The following METTL24 variants were observed in gnomAD, a reference collection of about 807,000 sequenced individuals.
METTL24 encodes the protein methyltransferase like 24, also known as probable methyltransferase-like protein 24.
Under a neutral mutation model 32.7 loss-of-function variants are expected in METTL24, and 29 were observed. The observed-to-expected ratio is 0.89, with a 90% CI of 0.66 to 1.21. The LOEUF (loss-of-function observed/expected upper bound fraction) is 1.21. METTL24 is among the 50% of genes most tolerant of loss of function. METTL24 has a pLI of 0.00. For synonymous variants in METTL24, 163 were observed against 179.5 expected (o/e 0.91, Z 0.73); for missense variants, 439 against 468.1 (o/e 0.94, Z 0.57).
At chr6:110,255,190 G>T (rs1039354228) in intron 4 of METTL24, among the ~76,000 whole-genome samples, 2 of 152,100 alleles carry the variant, frequency 1.3e-5, no homozygotes, top group Non-Finnish European at 2.9e-5. Context: ...GTAGTAATTA[G>T]CTCACAAAAA....
At chr6:110,299,219 G>A in intron 3 of METTL24, 69 bp from the exon 4 acceptor site, 1 of 1,418,244 alleles carries the variant, frequency 7.1e-7, no homozygotes, top group Admixed American at 1.7e-5. Context: ...CTAACAAGAT[G>A]ACAGTTCCAA....
intron 4 of METTL24, among the ~76,000 whole-genome samples, chr6:110,259,563 C>G (rs375914403): frequency 2.6e-5 from 4 of 152,244 alleles, no homozygotes; most frequent in African/African-American, 9.6e-5. Flanking sequence ...AAACAAAAGG[C>G]AGCAGAAACC....
chr6:110,308,344 T>C (rs1042555598), intron 3 of METTL24, among the ~76,000 whole-genome samples: 1 of 152,100 alleles, frequency 6.6e-6, no homozygotes, highest in Non-Finnish European at 1.5e-5. Flanking sequence ...TTAAAAATAT[T>C]CCCAAAAGTA....
intron 4 of METTL24, among the ~76,000 whole-genome samples, chr6:110,272,343 T>TA (rs1770972414): frequency 6.6e-6 from 1 of 152,262 alleles, no homozygotes; most frequent in Non-Finnish European, 1.5e-5. Flanking sequence ...GGTGTATACA[T>TA]ACCACCTTTT....
Position 110,358,186 on chromosome 6 carries a change from G to A in METTL24, c.87C>T (p.Leu29=), listed in dbSNP as rs1178256316. ...GCCCGGCGCGCCGCAGCTCTGCGCA[G>A]AGCCGCAGGCCGAACAACAGCACAG... ...LGAVLLFGLR[L]CAELRRAGPG... The change falls in exon 1 of 5, where the codon CTC becomes CTT. Residue 29 remains leucine (L), a synonymous_variant. Transcript: ENST00000338882. 2.1e-6 allele frequency: 3 copies of A among 1,426,990 alleles called. No homozygotes were observed. The highest frequency in any genetic ancestry group is 2.7e-6 in the Non-Finnish European group (3 of 1,095,780). 88.4% of individuals were successfully genotyped at this position (1,426,990 alleles called of 1,614,324 possible).
At chr6:110,258,503 T>C (rs1320558454) in intron 4 of METTL24, among the ~76,000 whole-genome samples, 1 of 152,156 alleles carries the variant, frequency 6.6e-6, no homozygotes, top group Non-Finnish European at 1.5e-5. Context: ...TGCTCAAAAA[T>C]ATTTGGTAGA....
chr6:110,291,740 T>C (rs750790806), intron 4 of METTL24, among the ~76,000 whole-genome samples: 14 of 152,146 alleles, frequency 9.2e-5, no homozygotes, highest in Non-Finnish European at 1.9e-4. Context: ...TTCCCCTCTA[T>C]GGGTCCATAT....
intron 1 of METTL24, among the ~76,000 whole-genome samples, chr6:110,353,803 C>G (rs1772656749): frequency 6.6e-6 from 1 of 151,898 alleles, no homozygotes; most frequent in African/African-American, 2.4e-5. Context: ...GGATTGCCAA[C>G]CTATAAGAGA....
At chr6:110,269,090 C>T (rs1770909162) in intron 4 of METTL24, among the ~76,000 whole-genome samples, 1 of 152,018 alleles carries the variant, frequency 6.6e-6, no homozygotes, top group Admixed American at 6.6e-5. Context: ...CCTCTCCATT[C>T]CTTAGGAAGG....
At chr6:110,353,542 C>G (rs1010424130) in intron 1 of METTL24, among the ~76,000 whole-genome samples, 27 of 145,216 alleles carry the variant, frequency 1.9e-4, no homozygotes, top group Non-Finnish European at 1.1e-4. Context: ...GAAGAGGAAA[C>G]AGTTCTTTTT....
At chr6:110,347,403 ATT>A (rs1360613512) in intron 1 of METTL24, among the ~76,000 whole-genome samples, 1 of 152,354 alleles carries the variant, frequency 6.6e-6, no homozygotes, top group East Asian at 1.9e-4. Flanking sequence ...CCACTCTTAA[ATT>A]ATAAGCTGCT....
chr6:110,339,955 G>C (rs966459579), intron 1 of METTL24, among the ~76,000 whole-genome samples: 1 of 152,192 alleles, frequency 6.6e-6, no homozygotes, highest in Non-Finnish European at 1.5e-5. Context: ...AGGTTGAAGA[G>C]ATGACCCATA....
At position 110,322,819 on chromosome 6, in the gene METTL24, C is replaced by T; in HGVS notation, c.372G>A (p.Leu124=). 6.2e-7 allele frequency: 1 copy of T among 1,614,000 alleles called. No homozygotes were observed. Among genetic ancestry groups the T allele is most frequent in the Non-Finnish European group, 8.5e-7 (1 of 1,179,932 alleles). ...TCAGGAACCTCCAGGCTTCTTCATC[C>T]AGGGACTGAGCAGAGCCTGCCCAAG... ...LQPWAGSAQS[L]DEEAWRFLRY... Residue 124 remains leucine (L), a synonymous_variant, in exon 2 of 5, where the codon CTG becomes CTA. Coordinates refer to ENST00000338882, the MANE Select transcript of METTL24 (RefSeq NM_001123364.3).
At chr6:110,310,610 C>T (rs1771705316) in intron 3 of METTL24, among the ~76,000 whole-genome samples, 1 of 152,178 alleles carries the variant, frequency 6.6e-6, no homozygotes, top group Non-Finnish European at 1.5e-5. Flanking sequence ...CTTAATTGGT[C>T]TAGTCTACCT....
chr6:110,267,188 C>CAT (rs1770872053), intron 4 of METTL24, among the ~76,000 whole-genome samples: 1 of 152,154 alleles, frequency 6.6e-6, no homozygotes, highest in Non-Finnish European at 1.5e-5. Flanking sequence ...ATCATCAACA[C>CAT]ATATATACAA....
intron 4 of METTL24, among the ~76,000 whole-genome samples, chr6:110,258,013 C>A (rs566614428): frequency 7.8e-4 from 118 of 152,250 alleles, no homozygotes; most frequent in Non-Finnish European, 1.0e-3. Flanking sequence ...GTTGTTTAGA[C>A]CCTCAGTGAT....
intron 1 of METTL24, among the ~76,000 whole-genome samples, chr6:110,343,693 G>A (rs908082002): frequency 1.3e-5 from 2 of 152,214 alleles, no homozygotes; most frequent in Middle Eastern, 3.4e-3. Flanking sequence ...AATGGAGCAG[G>A]GGCCTAAGAA....
At chr6:110,356,268 A>C (rs1003172481) in intron 1 of METTL24, among the ~76,000 whole-genome samples, 2 of 151,894 alleles carry the variant, frequency 1.3e-5, no homozygotes, top group Non-Finnish European at 2.9e-5. Flanking sequence ...ACATGGTGAA[A>C]CCCATCTCTA....
intron 4 of METTL24, among the ~76,000 whole-genome samples, chr6:110,272,674 G>T (rs1319222567): frequency 2.6e-5 from 4 of 152,174 alleles, no homozygotes; most frequent in Admixed American, 2.6e-4. Flanking sequence ...GCAGGAGTAA[G>T]GTGGTATCTC....
Sources: allele counts gnomAD v4.1 joint callset (sites outside exome capture counted in the v4.1 genomes callset), GRCh38; gene constraint gnomAD v4.1.1; transcripts MANE v1.5; gene names NCBI Gene and HGNC (gene_info 2026-07-23, HGNC 2026-07-21).